The following GLIS1 variants were observed in gnomAD, a reference collection of about 807,000 sequenced individuals.
The protein encoded by GLIS1 is GLIS family zinc finger 1.
Under a neutral mutation model 63.8 loss-of-function variants are expected in GLIS1, and 24 were observed. The ratio of observed to expected loss-of-function variants is 0.38; its 90% CI spans 0.27 to 0.53. The LOEUF (loss-of-function observed/expected upper bound fraction) is 0.53, where lower values mean the gene tolerates loss of function less well. Ranked by LOEUF, GLIS1 falls within the 20% of genes least tolerant of loss-of-function variation. GLIS1 has a pLI of 0.85. For missense variants in GLIS1, 1,036 were observed against 1,074.1 expected (o/e 0.96, Z 0.50); for synonymous variants, 450 against 482.5 (o/e 0.93, Z 0.88).
In GLIS1 at chr1:53,526,970, CGT is replaced by C. The variant is rs1014511182; in HGVS notation, c.1483-2085_1483-2084del. On this transcript the variant is annotated intron_variant, in intron 5 of 10. Coordinates refer to ENST00000628545, the MANE Select transcript of GLIS1 (RefSeq NM_001367484.1). This position sits in a 1 kb window ranked among gnomAD's most constrained non-coding sequence, Gnocchi z 4.4. ...ATGAGGACGCTCCGGGTGAGTCTGC[CGT>C]GCGGAGCCCCTGCCCGTCTGCACTT... 3.9e-5 allele frequency among the ~76,000 whole-genome samples: 6 copies of C among 152,222 alleles called. No individual in the cohort carries two copies. Among genetic ancestry groups the C allele is most frequent in the Admixed American group, 2.6e-4 (4 of 15,288 alleles).
rs1644335496 is a variant in GLIS1, at chr1:53,514,927, C to A, written c.1727-146G>T. The A allele has an allele frequency of 3.0e-6, 3 of 985,976 alleles. No homozygotes were observed. In the South Asian group the frequency reaches 5.4e-5, roughly 18 times the overall value. The allele number at this position is 985,976 out of a possible 1,614,324, so 61.1% of individuals were successfully genotyped here. On this transcript the variant is annotated intron_variant, in intron 7 of 10. Coordinates refer to ENST00000628545, the MANE Select transcript of GLIS1 (RefSeq NM_001367484.1). ...GTTGTATCACTGGAAGTTTAGGGGC[C>A]CCAGTGAGGGAGGTGCTGGCCCCAC...
At chr1:53,571,413 A>T (rs1464741598) in intron 4 of GLIS1, among the ~76,000 whole-genome samples, 1 of 152,208 alleles carries the variant, frequency 6.6e-6, no homozygotes, top group African/African-American at 2.4e-5. Context: ...TCAAAAAGAG[A>T]CATGAACAAG....
At chr1:53,702,936 A>G (rs12040081) in intron 2 of GLIS1, among the ~76,000 whole-genome samples, 38,003 of 152,108 alleles carry the variant, frequency 0.25, 5,089 homozygotes, top group African/African-American at 0.35. Context: ...GTCCCCCAAA[A>G]GGCCTCTGCT....
At chr1:53,596,355 G>A (rs1182055109) in intron 3 of GLIS1, among the ~76,000 whole-genome samples, 1 of 152,242 alleles carries the variant, frequency 6.6e-6, no homozygotes. Flanking sequence ...GGTCAGGAAA[G>A]TGAGGCAGGG....
At chr1:53,656,305 C>T (rs1645965050) in intron 2 of GLIS1, among the ~76,000 whole-genome samples, 1 of 152,198 alleles carries the variant, frequency 6.6e-6, no homozygotes, top group Non-Finnish European at 1.5e-5. Context: ...AAACCCTCGC[C>T]TCTCATCAGG....
At chr1:53,625,772 T>C (rs188935697) in intron 2 of GLIS1, among the ~76,000 whole-genome samples, 89 of 152,348 alleles carry the variant, frequency 5.8e-4, no homozygotes, top group Non-Finnish European at 9.6e-4. Context: ...AACCCATACT[T>C]AATTCCCAAT....
At chr1:53,734,044 C>G in intron 2 of GLIS1, 1 of 984,758 alleles carries the variant, frequency 1.0e-6, no homozygotes, top group Non-Finnish European at 1.2e-6. Context: ...CGAGTCCATG[C>G]GCACAATCTA....
chr1:53,702,860 C>G (rs1646538461), intron 2 of GLIS1, among the ~76,000 whole-genome samples: 1 of 152,210 alleles, frequency 6.6e-6, no homozygotes, highest in Non-Finnish European at 1.5e-5. Context: ...ACGTGGCCTG[C>G]CCACAGGGCT....
chr1:53,721,017 C>T (rs1274380251), intron 2 of GLIS1, among the ~76,000 whole-genome samples: 1 of 151,856 alleles, frequency 6.6e-6, no homozygotes, highest in East Asian at 1.9e-4. Context: ...AAGTTTCTGG[C>T]ACACAGTAGG....
chr1:53,699,986 A>C (rs971611532), intron 2 of GLIS1, among the ~76,000 whole-genome samples: 5 of 152,314 alleles, frequency 3.3e-5, no homozygotes, highest in African/African-American at 1.2e-4. Context: ...AGAGAGGTTG[A>C]GTGATCAGCA....
intron 4 of GLIS1, among the ~76,000 whole-genome samples, chr1:53,532,709 A>G (rs1225000971): frequency 2.6e-5 from 4 of 152,204 alleles, no homozygotes; most frequent in Non-Finnish European, 5.9e-5. Context: ...GCAGGGAGGT[A>G]TCTACAGCAG....
intron 2 of GLIS1, among the ~76,000 whole-genome samples, chr1:53,722,595 C>G (rs904135604): frequency 3.3e-5 from 5 of 152,146 alleles, no homozygotes; most frequent in Non-Finnish European, 7.4e-5. Flanking sequence ...AATCCCAACA[C>G]TTTGGGAAGC....
intron 2 of GLIS1, among the ~76,000 whole-genome samples, chr1:53,650,520 G>A (rs142892577): frequency 4.0e-5 from 6 of 149,738 alleles, no homozygotes; most frequent in African/African-American, 9.9e-5. Flanking sequence ...AACCTGGGAG[G>A]ATGAGGTTGC....
Position 53,727,903 on chromosome 1 carries a change from G to T in GLIS1, c.259+9903C>A, listed in dbSNP as rs952498761. 3.3e-5 allele frequency among the ~76,000 whole-genome samples: 5 copies of T among 152,178 alleles called. No homozygotes were observed. In the East Asian group the frequency reaches 7.7e-4, roughly 23 times the overall value. ...CACCATAAGACAGGGCAAGAAAAAA[G>T]AAAAAGAATTTACTGGCATCTCACA... is the stretch of plus-strand genomic sequence containing the variant. On this transcript the variant is annotated intron_variant, in intron 2 of 10. Transcript: ENST00000628545.
chr1:53,692,081 A>T (rs1646411946), intron 2 of GLIS1, among the ~76,000 whole-genome samples: 1 of 151,946 alleles, frequency 6.6e-6, no homozygotes, highest in Non-Finnish European at 1.5e-5. Context: ...TAAATACCTG[A>T]CCCCTCAAAC....
At chr1:53,633,627 G>A (rs998858153) in intron 2 of GLIS1, among the ~76,000 whole-genome samples, 1 of 152,024 alleles carries the variant, frequency 6.6e-6, no homozygotes, top group Admixed American at 6.5e-5. Flanking sequence ...GTGAGTTTTA[G>A]GCAGAAAAGC....
At chr1:53,628,525 A>C (rs1645619856) in intron 2 of GLIS1, among the ~76,000 whole-genome samples, 1 of 152,130 alleles carries the variant, frequency 6.6e-6, no homozygotes, top group Non-Finnish European at 1.5e-5. Context: ...CCTGAGTACC[A>C]GTCACTTTAT....
chr1:53,659,107 T>C (rs1187133561), intron 2 of GLIS1, among the ~76,000 whole-genome samples: 15 of 152,166 alleles, frequency 9.9e-5, no homozygotes, highest in Non-Finnish European at 1.5e-5. Flanking sequence ...CAGAGGGTGC[T>C]GGGGAATAGC....
At chr1:53,630,667 T>C (rs1645642900) in intron 2 of GLIS1, among the ~76,000 whole-genome samples, 1 of 152,160 alleles carries the variant, frequency 6.6e-6, no homozygotes, top group Admixed American at 6.5e-5. Context: ...CGCTAATTTT[T>C]TGTATTTTTA....
Sources: allele counts gnomAD v4.1 joint callset (sites outside exome capture counted in the v4.1 genomes callset), GRCh38; gene constraint gnomAD v4.1.1; non-coding constraint Gnocchi (gnomAD v3.1); transcripts MANE v1.5; gene names NCBI Gene and HGNC (gene_info 2026-07-23, HGNC 2026-07-21).